The following GNE variants were observed in gnomAD, a reference collection of about 807,000 sequenced individuals.
GNE encodes glucosamine (UDP-N-acetyl)-2-epimerase/N-acetylmannosamine kinase.
Under a neutral mutation model 61.8 loss-of-function variants are expected in GNE, and 41 were observed. The observed-to-expected ratio is 0.66, with a 90% CI of 0.52 to 0.86. The LOEUF is 0.86. GNE is among the 40% of genes least tolerant of loss of function. GNE has a pLI of 0.00. For missense variants in GNE, 608 were observed against 909.1 expected, an observed-to-expected ratio of 0.67 and a Z score of 4.26; for synonymous variants, 264 against 326.4, an observed-to-expected ratio of 0.81 and a Z score of 2.06.
chr9:36,214,750 A>T lies in GNE; in HGVS notation c.*2615T>A, dbSNP rs1828192354. The T allele has an allele frequency of 6.6e-6, 1 of 152,320 alleles. No homozygotes were observed. Among genetic ancestry groups the T allele is most frequent in the Admixed American group, 6.5e-5 (1 of 15,298 alleles). The allele number at this position is 152,320 out of a possible 1,614,324, so 9.4% of individuals were successfully genotyped here. A position where few individuals can be genotyped will look rare whatever the true frequency, so the allele number is the denominator to read the frequency against. The stretch of plus-strand genomic sequence containing the variant: ...CAGAACATTATCTCACCCCAGACTC[A>T]GAAACTGAGCAGCCAAGCTTCCTTC... On this transcript the variant is annotated 3_prime_UTR_variant, in exon 12 of 12. Coordinates refer to ENST00000642385, the MANE Select transcript of GNE (RefSeq NM_005476.7).
chr9:36,258,523 C>G (rs1830493729), upstream of GNE: 7 of 985,454 alleles, frequency 7.1e-6, no homozygotes, highest in Non-Finnish European at 8.4e-6. Context: ...TCCGCGATCG[C>G]GCCCTGACGC....
At chr9:36,271,171 C>A (rs1240110844) in intron 1 of GNE, among the ~76,000 whole-genome samples, 1 of 152,142 alleles carries the variant, frequency 6.6e-6, no homozygotes, top group African/African-American at 2.4e-5. Flanking sequence ...TATTCCCCTC[C>A]CGGATCCTTC....
At chr9:36,274,707 A>G (rs1831190422) in intron 1 of GNE, among the ~76,000 whole-genome samples, 1 of 149,872 alleles carries the variant, frequency 6.7e-6, no homozygotes, top group Admixed American at 6.7e-5. Context: ...AACCACTTGC[A>G]TGGTTTCACA....
intron 1 of GNE, among the ~76,000 whole-genome samples, chr9:36,251,986 C>CTTTTTT (rs34737463): frequency 7.5e-6 from 1 of 134,174 alleles, no homozygotes; most frequent in Non-Finnish European, 1.6e-5. Context: ...ACTATCTGAT[C>CTTTTTT]TTTTTTTTTT....
chr9:36,258,226 G>T, intron 1 of GNE, 95 bp downstream of exon 1: 2 of 689,756 alleles, frequency 2.9e-6, no homozygotes, highest in Non-Finnish European at 3.6e-6. Context: ...GAAAGCGGCC[G>T]GGGAGGGGAG....
chr9:36,221,063 G>A (rs1828562353), intron 9 of GNE, among the ~76,000 whole-genome samples: 1 of 152,216 alleles, frequency 6.6e-6, no homozygotes, highest in South Asian at 2.1e-4. Flanking sequence ...GCTCACCCCT[G>A]TAATCCCAGC....
chr9:36,230,673 T>A (rs1416517985), intron 5 of GNE, among the ~76,000 whole-genome samples: 1 of 151,774 alleles, frequency 6.6e-6, no homozygotes, highest in Non-Finnish European at 1.5e-5. Context: ...TTTTTTTTTT[T>A]TTTTGAGACG....
chr9:36,261,553 A>C (rs1830618224), upstream of GNE, among the ~76,000 whole-genome samples: 1 of 83,076 alleles, frequency 1.2e-5, no homozygotes, highest in African/African-American at 6.3e-5. Flanking sequence ...ACTCCGTCTC[A>C]AAAAAAAAAA....
intron 5 of GNE, among the ~76,000 whole-genome samples, chr9:36,230,639 G>A (rs1829101237): frequency 6.6e-6 from 1 of 150,860 alleles, no homozygotes; most frequent in Non-Finnish European, 1.5e-5. Flanking sequence ...AAATTTTTTT[G>A]TAGAGAGAAA....
chr9:36,217,594 G>A lies in GNE; in HGVS notation c.1940C>T (p.Thr647Ile). The part of the protein sequence containing the change: ...KAQSILRTAG[T>I]ALGLGVVNIL... ...GTTCACAACCCCAAGACCCAAAGCT[G>A]TTCCAGCTATAGGGAGACAAAAATT... Residue 647 changes from threonine to isoleucine, a missense_variant, in exon 12 of 12, where the codon ACA (threonine) becomes ATA (isoleucine). Physicochemically the swap from Thr to Ile is moderately conservative, Grantham distance 89. Transcript: ENST00000642385. 2 of 1,607,974 alleles carry A rather than the reference G, an allele frequency of 1.2e-6. No individual in the cohort carries two copies. The highest frequency in any genetic ancestry group is 2.2e-5 in the East Asian group (1 of 44,862).
At chr9:36,223,963 G>T (rs1828735733) in intron 7 of GNE, among the ~76,000 whole-genome samples, 1 of 151,874 alleles carries the variant, frequency 6.6e-6, no homozygotes, top group South Asian at 2.1e-4. Context: ...TGCTGCCCAG[G>T]CTGGTCTCAA....
At chr9:36,257,583 C>A (rs977563655) in intron 1 of GNE, among the ~76,000 whole-genome samples, 6 of 151,526 alleles carry the variant, frequency 4.0e-5, no homozygotes, top group Admixed American at 6.6e-5. Context: ...GTGGGCGGAT[C>A]ACGAGGTCAG....
At chr9:36,238,519 A>G (rs1373203398) in intron 3 of GNE, among the ~76,000 whole-genome samples, 1 of 152,082 alleles carries the variant, frequency 6.6e-6, no homozygotes, top group Non-Finnish European at 1.5e-5. Flanking sequence ...GCATTTTTTC[A>G]TATGTTTGTT....
chr9:36,268,534 G>C (rs1388163108), intron 1 of GNE, among the ~76,000 whole-genome samples: 1 of 151,960 alleles, frequency 6.6e-6, no homozygotes, highest in Non-Finnish European at 1.5e-5. Context: ...GGGTATCGTG[G>C]CATGCACCTG....
At position 36,246,452 on chromosome 9, in the gene GNE, G is replaced by T; in HGVS notation, c.195C>A (p.Asp65Glu). Residue 65 changes from aspartate (D) to glutamate (E), a missense_variant, in exon 3 of 12, where the codon GAC becomes GAA. Transcript: ENST00000642385. ...GNTYRMIEQD[D>E]FDINTRLHTI... ...TGTGTAGCCTGGTGTTAATGTCAAAGTCATCTTGTTCAATCATTCGATATG... is the reference window on the plus strand; with the variant it reads ...TGTGTAGCCTGGTGTTAATGTCAAATTCATCTTGTTCAATCATTCGATATG... 1 of 1,613,490 alleles carries T rather than the reference G, an allele frequency of 6.2e-7. No homozygotes were observed. Among genetic ancestry groups the T allele is most frequent in the East Asian group, 2.2e-5 (1 of 44,882 alleles).
At chr9:36,242,165 A>G (rs143058956) in intron 3 of GNE, among the ~76,000 whole-genome samples, 31 of 23,052 alleles carry the variant, frequency 1.3e-3, no homozygotes, top group African/African-American at 2.4e-3. Context: ...CAAAAAAAAG[A>G]AAAAAAAAAA....
Position 36,216,286 on chromosome 9 carries a change from A to T in GNE, c.*1079T>A, listed in dbSNP as rs1269390362. The T allele has an allele frequency of 2.3e-6, 1 of 439,058 alleles. No individual in the cohort carries two copies. 27.2% of individuals were successfully genotyped at this position (439,058 alleles called of 1,614,324 possible). On this transcript the variant is annotated 3_prime_UTR_variant, in exon 12 of 12. Coordinates refer to ENST00000642385, the MANE Select transcript of GNE (RefSeq NM_005476.7). ...AGATTTCCCTCTGTTCTCTGACTGG[A>T]TCACCTTCTGTGATCTTAGTTTGGG...
exon 1 of GNE, chr9:36,276,929 A>G (rs766919555): frequency 1.2e-5 from 19 of 1,613,036 alleles, no homozygotes; most frequent in Non-Finnish European, 1.6e-5. Context: ...CTCTGCAGAT[A>G]ACCATAGGTT....
intron 1 of GNE, among the ~76,000 whole-genome samples, chr9:36,274,879 T>C (rs533015844): frequency 8.6e-4 from 131 of 152,256 alleles, no homozygotes; most frequent in African/African-American, 2.9e-3. Context: ...CCCGCCATCA[T>C]GCCCGGCTAA....
Sources: gnomAD v4.1 joint callset for allele counts (sites outside exome capture counted in the v4.1 genomes callset) on GRCh38, gnomAD v4.1.1 for gene constraint, MANE v1.5 for transcripts, NCBI Gene and HGNC (gene_info 2026-07-23, HGNC 2026-07-21) for gene names.